The following PIAS2 variants were observed in gnomAD, a reference collection of about 807,000 sequenced individuals.
PIAS2 encodes the protein E3 SUMO-protein ligase PIAS2.
Under a neutral mutation model 69.7 loss-of-function variants are expected in PIAS2, and 19 were observed. The ratio of observed to expected loss-of-function variants is 0.27; its 90% CI spans 0.19 to 0.40. The LOEUF (loss-of-function observed/expected upper bound fraction) is 0.40. Ranked by LOEUF, PIAS2 falls within the 10% of genes least tolerant of loss-of-function variation. The probability of loss-of-function intolerance (pLI) is 1.00; values close to 1 mark genes in which losing one functional copy is unlikely to be tolerated. For missense variants in PIAS2, 624 were observed against 757.0 expected, an observed-to-expected ratio of 0.82 and a Z score of 2.06; for synonymous variants, 261 against 263.2, an observed-to-expected ratio of 0.99 and a Z score of 0.08.
At chr18:46,902,588 A>C (rs866930003) in intron 1 of PIAS2, among the ~76,000 whole-genome samples, 1 of 152,148 alleles carries the variant, frequency 6.6e-6, no homozygotes. Context: ...GAAAACCTAA[A>C]CAAATAAATT....
At position 46,890,956 on chromosome 18, in the gene PIAS2, C is replaced by T. The variant is rs1277923148; in HGVS notation, c.123G>A (p.Ala41=). The T allele has an allele frequency of 6.2e-7, 1 of 1,614,042 alleles. No individual in the cohort carries two copies. Among genetic ancestry groups the T allele is most frequent in the South Asian group, 1.1e-5 (1 of 91,076 alleles). Residue 41 remains alanine, a synonymous_variant, in exon 2 of 14, where the codon GCG becomes GCA. Coordinates refer to ENST00000585916, the MANE Select transcript of PIAS2 (RefSeq NM_004671.5). The stretch of plus-strand genomic sequence containing the variant: ...TGCAGCCGCTCTTCAATAAATGCAG[C>T]GCCCTCATCAGGAGGTCATGCTTGC... ...SGRKHDLLMR[A]LHLLKSGCSP...
At chr18:46,874,044 AACC>A (rs2050782946) in intron 2 of PIAS2, among the ~76,000 whole-genome samples, 1 of 152,216 alleles carries the variant, frequency 6.6e-6, no homozygotes, top group Non-Finnish European at 1.5e-5. Context: ...TGCATCAAGA[AACC>A]CACTGGGGAC....
Position 46,817,720 on chromosome 18 carries a change from TTAATG to T in PIAS2, c.1649-2376_1649-2372del, listed in dbSNP as rs2041710413. On this transcript the variant is annotated intron_variant, in intron 12 of 13. Transcript: ENST00000585916. ...AGGGTGCTGTCTATATAAAACCTGT[TTAATG>T]TAAATATTTCTCTCACTGAAACCAT... 7 of 941,124 alleles carry T rather than the reference TTAATG, an allele frequency of 7.4e-6. No homozygotes were observed. In the South Asian group the frequency reaches 2.0e-4, roughly 26 times the overall value. 58.3% of individuals were successfully genotyped at this position (941,124 alleles called of 1,614,324 possible).
chr18:46,879,780 C>T (rs546697759), intron 2 of PIAS2, among the ~76,000 whole-genome samples: 3 of 152,178 alleles, frequency 2.0e-5, no homozygotes, highest in East Asian at 1.9e-4. Context: ...GAGGACATTA[C>T]GTTTAGTGAA....
chr18:46,901,389 A>G (rs2055841157), intron 1 of PIAS2: 1 of 169,388 alleles, frequency 5.9e-6, no homozygotes, highest in Non-Finnish European at 1.3e-5. Context: ...AGCCTGGGCA[A>G]CAAGAGCAAA....
intron 2 of PIAS2, among the ~76,000 whole-genome samples, chr18:46,879,300 A>G (rs931250301): frequency 6.6e-6 from 1 of 152,200 alleles, no homozygotes; most frequent in African/African-American, 2.4e-5. Flanking sequence ...GCACATGAAA[A>G]CATGCTCAAC....
intron 2 of PIAS2, among the ~76,000 whole-genome samples, chr18:46,869,769 C>T (rs2050051862): frequency 6.6e-6 from 1 of 152,138 alleles, no homozygotes; most frequent in African/African-American, 2.4e-5. Flanking sequence ...CCTCAGTTTT[C>T]TGGCCAAAGT....
At chr18:46,838,713 C>T (rs1017468776) in intron 8 of PIAS2, among the ~76,000 whole-genome samples, 2 of 152,140 alleles carry the variant, frequency 1.3e-5, no homozygotes, top group Non-Finnish European at 2.9e-5. Context: ...ATCTTCATAA[C>T]TCTATGACTC....
intron 2 of PIAS2, among the ~76,000 whole-genome samples, chr18:46,872,485 C>A (rs1307476505): frequency 6.6e-6 from 1 of 152,104 alleles, no homozygotes; most frequent in Non-Finnish European, 1.5e-5. Flanking sequence ...AATTTGTACC[C>A]CCAAAACACA....
At chr18:46,917,116 C>T in intron 1 of PIAS2, 2 of 993,284 alleles carry the variant, frequency 2.0e-6, no homozygotes, top group Non-Finnish European at 2.4e-6. Flanking sequence ...GCGGCCCAGG[C>T]CCGCCGCCCC....
At chr18:46,867,717 C>T (rs1369218994) in intron 2 of PIAS2, among the ~76,000 whole-genome samples, 1 of 152,184 alleles carries the variant, frequency 6.6e-6, no homozygotes, top group African/African-American at 2.4e-5. Context: ...CACATTATCT[C>T]CCATCATGTC....
At chr18:46,902,079 A>T (rs1414576894) in intron 1 of PIAS2, among the ~76,000 whole-genome samples, 1 of 152,174 alleles carries the variant, frequency 6.6e-6, no homozygotes, top group Non-Finnish European at 1.5e-5. Flanking sequence ...CAGGATATAA[A>T]ATCAACACAC....
intron 10 of PIAS2, among the ~76,000 whole-genome samples, chr18:46,829,244 G>C (rs1369579396): frequency 2.0e-5 from 3 of 152,102 alleles, no homozygotes; most frequent in African/African-American, 7.2e-5. Flanking sequence ...ATACATTCTA[G>C]GTAATCAAGG....
At chr18:46,816,874 T>C (rs908833510) in intron 12 of PIAS2, 2 of 963,906 alleles carry the variant, frequency 2.1e-6, no homozygotes, top group Non-Finnish European at 2.5e-6. Flanking sequence ...ATGACTTCTC[T>C]ATTAAAATGA....
chr18:46,846,850 G>A lies in PIAS2; in HGVS notation c.727-9C>T, dbSNP rs185303323. 28 of 1,538,880 alleles carry A rather than the reference G, an allele frequency of 1.8e-5. No homozygotes were observed. The highest frequency in any genetic ancestry group is 1.7e-4 in the Middle Eastern group (1 of 5,778). On this transcript the variant is annotated splice_polypyrimidine_tract_variant and intron_variant, in intron 5 of 13. Coordinates refer to ENST00000585916, the MANE Select transcript of PIAS2 (RefSeq NM_004671.5). ...GGCGGTGGTGCATAGCCCTATAACC[G>A]TAAGAAAGAAAAATTATTTCAAATC...
intron 2 of PIAS2, among the ~76,000 whole-genome samples, chr18:46,881,228 C>T (rs555916510): frequency 1.3e-5 from 2 of 152,130 alleles, no homozygotes; most frequent in Non-Finnish European, 2.9e-5. Context: ...TGAACGACCC[C>T]AGGCTCTTTC....
At chr18:46,901,009 A>G in intron 1 of PIAS2, 1 of 402,926 alleles carries the variant, frequency 2.5e-6, no homozygotes, top group Non-Finnish European at 4.8e-6. Flanking sequence ...AGGAAGAACT[A>G]ACAACAATTC....
intron 7 of PIAS2, 85 bp downstream of exon 7, chr18:46,844,649 A>T (rs1401620478): frequency 1.3e-5 from 6 of 465,570 alleles, no homozygotes; most frequent in Non-Finnish European, 2.2e-5. Flanking sequence ...TATTGATGTG[A>T]GCAATATTTA....
At chr18:46,818,287 T>C (rs2041783291) in intron 12 of PIAS2, 2 of 1,354,714 alleles carry the variant, frequency 1.5e-6, no homozygotes, top group Admixed American at 3.1e-5. Context: ...CCTGACAATA[T>C]GGCACTAGCA....
Sources: allele counts gnomAD v4.1 joint callset (sites outside exome capture counted in the v4.1 genomes callset), GRCh38; gene constraint gnomAD v4.1.1; transcripts MANE v1.5; gene names NCBI Gene and HGNC (gene_info 2026-07-23, HGNC 2026-07-21).